VPS13B: variants seen among roughly 807,000 people sequenced by gnomAD.
VPS13B encodes the protein vacuolar protein sorting 13 homolog B.
A neutral mutation model predicts 426.4 loss-of-function variants in VPS13B; 285 were observed. The observed-to-expected ratio is 0.67, with a 90% CI of 0.61 to 0.74. The LOEUF (loss-of-function observed/expected upper bound fraction) is 0.74. Ranked by LOEUF, VPS13B falls within the 30% of genes least tolerant of loss-of-function variation. The pLI is 0.00. For missense variants in VPS13B, 4,537 were observed against 4,782.6 expected (o/e 0.95, Z 1.51); for synonymous variants, 1,676 against 1,676.4 (o/e 1.00, Z 0.01).
intron 51 of VPS13B, among the ~76,000 whole-genome samples, chr8:99,830,713 C>G (rs1252453420): frequency 1.3e-5 from 2 of 152,146 alleles, no homozygotes; most frequent in East Asian, 3.9e-4. Flanking sequence ...TGCTTGAAAC[C>G]CAGGGCTCTT....
chr8:99,220,938 C>G (rs373630280), intron 17 of VPS13B, among the ~76,000 whole-genome samples: 5 of 90,940 alleles, frequency 5.5e-5, no homozygotes, highest in African/African-American at 1.3e-4. Context: ...TCCCTCCCCC[C>G]TCCCCCGACC....
intron 19 of VPS13B, among the ~76,000 whole-genome samples, chr8:99,302,199 G>C (rs946233996): frequency 2.0e-5 from 3 of 152,186 alleles, no homozygotes; most frequent in South Asian, 2.1e-4. Flanking sequence ...GCTCCAAACT[G>C]TCTAGCCAGA....
chr8:99,515,160 G>GA (rs931408967), intron 29 of VPS13B, among the ~76,000 whole-genome samples: 2 of 151,656 alleles, frequency 1.3e-5, no homozygotes, highest in South Asian at 2.1e-4. Context: ...GAAAGAAGAG[G>GA]AAAAAAAAGA....
At position 99,061,389 on chromosome 8, in the gene VPS13B, A is replaced by C. The variant is rs573663215; in HGVS notation, c.291+22823A>C. Among the ~76,000 whole-genome samples, 61 of 131,858 alleles carry C rather than the reference A, an allele frequency of 4.6e-4. 1 individual carries two copies. Among genetic ancestry groups the C allele is most frequent in the South Asian group, 1.6e-3 (7 of 4,266 alleles). 86.5% of individuals were successfully genotyped at this position (131,858 alleles called of 152,430 possible). The stretch of plus-strand genomic sequence containing the variant: ...TATTTAGAAACTGTACTGAGACTTT[A>C]GTTTTTCTATCTGACCTGAGTTTTC... On this transcript the variant is annotated intron_variant, in intron 3 of 61. Coordinates refer to ENST00000357162, the MANE Select transcript of VPS13B (RefSeq NM_152564.5).
chr8:99,437,547 G>A (rs1048203184), intron 22 of VPS13B, among the ~76,000 whole-genome samples: 2 of 151,872 alleles, frequency 1.3e-5, no homozygotes, highest in Non-Finnish European at 2.9e-5. Context: ...GTGAAATCCC[G>A]TGTCTACTAA....
At chr8:99,489,425 T>C (rs1820478869) in intron 25 of VPS13B, among the ~76,000 whole-genome samples, 1 of 152,112 alleles carries the variant, frequency 6.6e-6, no homozygotes, top group South Asian at 2.1e-4. Flanking sequence ...AGTAGTTTTT[T>C]CCAATGCTGT....
intron 43 of VPS13B, among the ~76,000 whole-genome samples, chr8:99,807,677 TTGTGTGTG>T (rs144674961): frequency 6.8e-6 from 1 of 146,190 alleles, no homozygotes; most frequent in African/African-American, 2.5e-5. Context: ...CAGGGTGTGT[TTGTGTGTG>T]TGTGTGTGTG....
chr8:99,831,986 C>T (rs914771340), intron 51 of VPS13B, among the ~76,000 whole-genome samples: 3 of 152,044 alleles, frequency 2.0e-5, no homozygotes, highest in Non-Finnish European at 4.4e-5. Context: ...CGGGGCCAGG[C>T]GTGGTGACTC....
chr8:99,063,985 C>G (rs1844337704), intron 3 of VPS13B, among the ~76,000 whole-genome samples: 1 of 152,164 alleles, frequency 6.6e-6, no homozygotes, highest in Non-Finnish European at 1.5e-5. Flanking sequence ...CAAACTCCAA[C>G]AGACTTGCAG....
At chr8:99,763,398 G>A (rs1811048994) in intron 39 of VPS13B, among the ~76,000 whole-genome samples, 1 of 152,018 alleles carries the variant, frequency 6.6e-6, no homozygotes, top group South Asian at 2.1e-4. Flanking sequence ...CACTATCCCA[G>A]GTGCTGTGAA....
intron 16 of VPS13B, among the ~76,000 whole-genome samples, chr8:99,175,584 C>A (rs368001698): frequency 5.9e-5 from 9 of 152,078 alleles, no homozygotes; most frequent in Admixed American, 2.0e-4. Context: ...GAGTTCCAGA[C>A]CCCATTTCTA....
chr8:99,032,187 T>C (rs923529952), intron 2 of VPS13B, among the ~76,000 whole-genome samples: 1 of 152,166 alleles, frequency 6.6e-6, no homozygotes, highest in Non-Finnish European at 1.5e-5. Flanking sequence ...ACATGTGGAG[T>C]TTCTGTACCT....
At position 99,511,474 on chromosome 8, in the gene VPS13B, T is replaced by G. The variant is rs1251311458; in HGVS notation, c.4595T>G (p.Phe1532Cys). Residue 1532 changes from phenylalanine (F) to cysteine (C), a missense_variant, in exon 29 of 62, where the codon TTT becomes TGT. By Grantham distance (205) the Phe-to-Cys change is radical. Around this residue, in one of 2 missense-constraint regions of VPS13B, gnomAD observed 4,311 missense variants for 4,474.3 expected, o/e 0.96. Coordinates refer to ENST00000357162, the MANE Select transcript of VPS13B (RefSeq NM_152564.5). The stretch of plus-strand genomic sequence containing the variant: ...GTCAACACAAGTGTAATCAGAATTT[T>G]TATTCCAAAAACAGAAGAAATGCAG... The part of the protein sequence containing the change: ...IYVNTSVIRI[F>C]IPKTEEMQPT... The G allele has an allele frequency of 1.2e-6, 2 of 1,612,528 alleles. No individual in the cohort carries two copies. Among genetic ancestry groups the G allele is most frequent in the Non-Finnish European group, 8.5e-7 (1 of 1,179,766 alleles).
At chr8:99,210,380 T>C (rs1815008010) in intron 17 of VPS13B, among the ~76,000 whole-genome samples, 1 of 152,142 alleles carries the variant, frequency 6.6e-6, no homozygotes, top group Non-Finnish European at 1.5e-5. Flanking sequence ...TCCTTTGGGG[T>C]GTACTTCTGT....
intron 39 of VPS13B, among the ~76,000 whole-genome samples, chr8:99,726,933 G>A (rs371111900): frequency 6.6e-6 from 1 of 152,168 alleles, no homozygotes; most frequent in East Asian, 1.9e-4. Context: ...AACCTAAATG[G>A]TAGAGATCTC....
intron 17 of VPS13B, among the ~76,000 whole-genome samples, chr8:99,205,810 A>G (rs1455238170): frequency 6.6e-6 from 1 of 152,166 alleles, no homozygotes; most frequent in African/African-American, 2.4e-5. Flanking sequence ...TGACTAAGTC[A>G]TTTTTTGAAG....
chr8:99,288,983 G>A (rs1198354017), intron 19 of VPS13B, among the ~76,000 whole-genome samples: 2 of 151,866 alleles, frequency 1.3e-5, no homozygotes, highest in East Asian at 1.9e-4. Context: ...GATCACTTGA[G>A]TCCAGGAGTT....
At chr8:99,537,988 C>T (rs1823349785) in intron 30 of VPS13B, among the ~76,000 whole-genome samples, 1 of 152,156 alleles carries the variant, frequency 6.6e-6, no homozygotes, top group African/African-American at 2.4e-5. Flanking sequence ...TTGTGATTCT[C>T]ATGAAAGAGA....
rs1215609574 is a variant in VPS13B, at chr8:99,708,185, A to G, written c.6454+8253A>G. ...GATCTGCCAGTCTGCTTTTTTTTTT[A>G]AACATAGCCACATGATCCAATCAAG... On this transcript the variant is annotated intron_variant, in intron 36 of 61. Transcript: ENST00000357162. Among the ~76,000 whole-genome samples, 6 of 151,660 alleles carry G rather than the reference A, an allele frequency of 4.0e-5. No individual in the cohort carries two copies. The East Asian group carries it at 1.2e-3, about 29-fold the overall frequency.
Sources: gnomAD v4.1 joint callset for allele counts (sites outside exome capture counted in the v4.1 genomes callset) on GRCh38, gnomAD v4.1.1 for gene constraint, gnomAD v4.1.1 regional missense constraint, MANE v1.5 for transcripts, NCBI Gene and HGNC (gene_info 2026-07-23, HGNC 2026-07-21) for gene names.